Variants in IGF1R observed in about 807,000 individuals in gnomAD.
IGF1R encodes the protein insulin like growth factor 1 receptor.
Under a neutral mutation model 144.6 loss-of-function variants are expected in IGF1R, and 44 were observed. The observed-to-expected ratio is 0.30, with a 90% CI of 0.24 to 0.39. IGF1R has a LOEUF of 0.39. IGF1R is among the 10% of genes least tolerant of loss of function. IGF1R has a pLI of 1.00. For synonymous variants in IGF1R, 795 were observed against 722.8 expected, an observed-to-expected ratio of 1.10 and a Z score of -1.60; for missense variants, 1,355 against 1,833.7, an observed-to-expected ratio of 0.74 and a Z score of 4.77.
rs147339880 is a variant in IGF1R, at chr15:98,742,761, A to G, written c.640+34654A>G. On this transcript the variant is annotated intron_variant, in intron 2 of 20. Transcript: ENST00000650285. ...TTGCCTGCATCTAATTGCACTCACA[A>G]TGGGCCGGATGTGGTGGCTTACACC... Among the ~76,000 whole-genome samples the G allele has an allele frequency of 1.1e-4, 16 of 152,292 alleles. No homozygotes were observed. In the East Asian group the frequency reaches 1.7e-3, roughly 17 times the overall value.
chr15:98,814,969 A>G (rs555108267), intron 2 of IGF1R, among the ~76,000 whole-genome samples: 16 of 152,348 alleles, frequency 1.1e-4, no homozygotes, highest in African/African-American at 3.4e-4. Flanking sequence ...ATATTTTTTC[A>G]GAGTAGCAGT....
At chr15:98,910,273 G>A (rs1293615469) in intron 6 of IGF1R, among the ~76,000 whole-genome samples, 3 of 152,192 alleles carry the variant, frequency 2.0e-5, no homozygotes, top group Non-Finnish European at 2.9e-5. Context: ...GGATGTATCC[G>A]AGTATTTCAG....
intron 2 of IGF1R, among the ~76,000 whole-genome samples, chr15:98,789,853 A>G (rs562358513): frequency 5.0e-4 from 76 of 152,280 alleles, no homozygotes; most frequent in Non-Finnish European, 9.3e-4. Flanking sequence ...CATGGGAGGA[A>G]GAAGTCAGAG....
chr15:98,948,804 C>G (rs1304012998), intron 20 of IGF1R, 96 bp downstream of exon 20: 7 of 1,427,546 alleles, frequency 4.9e-6, no homozygotes, highest in Middle Eastern at 1.7e-4. Context: ...AAGCCATTCT[C>G]TCTGGTCCTG....
At chr15:98,928,477 G>A (rs146604639) in intron 13 of IGF1R, among the ~76,000 whole-genome samples, 8 of 152,294 alleles carry the variant, frequency 5.3e-5, no homozygotes, top group African/African-American at 9.6e-5. Flanking sequence ...GAAAGCTTTC[G>A]CTGACTCCTT....
chr15:98,847,750 C>T lies in IGF1R; in HGVS notation c.641-43575C>T, dbSNP rs78312784. Reference sequence around the variant, plus strand: ...ATGTTTATTCCCCCCTTTACTTTCCCAAAATTTGCTAAACATTTTCATTGC... The same window carrying T: ...ATGTTTATTCCCCCCTTTACTTTCCTAAAATTTGCTAAACATTTTCATTGC... On this transcript the variant is annotated intron_variant, in intron 2 of 20. Coordinates refer to ENST00000650285, the MANE Select transcript of IGF1R (RefSeq NM_000875.5). Among the ~76,000 whole-genome samples, 279 of 152,280 alleles carry T rather than the reference C, an allele frequency of 1.8e-3. 10 individuals carry two copies. The East Asian group carries it at 0.046, about 25-fold the overall frequency.
In IGF1R at chr15:98,962,682, C is replaced by T. The variant is rs559172824; in HGVS notation, c.*5240C>T. The T allele has an allele frequency of 2.6e-5, 6 of 233,784 alleles. No homozygotes were observed. The East Asian group carries it at 3.0e-4, about 12-fold the overall frequency. The allele number at this position is 233,784 out of a possible 1,614,324, so 14.5% of individuals were successfully genotyped here. ...GGGATCCTGGCACAGAGAAGAGTTACGAGCAGCAGGGTGCAGGGCTTGGAA... is the reference window on the plus strand; with the variant it reads ...GGGATCCTGGCACAGAGAAGAGTTATGAGCAGCAGGGTGCAGGGCTTGGAA... On this transcript the variant is annotated 3_prime_UTR_variant, in exon 21 of 21. Transcript: ENST00000650285.
chr15:98,712,641 C>A (rs1239818453), intron 2 of IGF1R, among the ~76,000 whole-genome samples: 1 of 149,482 alleles, frequency 6.7e-6, no homozygotes, highest in East Asian at 2.0e-4. Flanking sequence ...AAGAGTCTTA[C>A]TCTGTCACCC....
At chr15:98,700,543 T>C (rs1429911606) in intron 1 of IGF1R, among the ~76,000 whole-genome samples, 2 of 152,206 alleles carry the variant, frequency 1.3e-5, no homozygotes, top group Non-Finnish European at 2.9e-5. Flanking sequence ...TCTTGCGTTT[T>C]AACAGTTCCT....
chr15:98,901,117 T>A (rs888229856), intron 5 of IGF1R, among the ~76,000 whole-genome samples: 2 of 152,264 alleles, frequency 1.3e-5, no homozygotes, highest in Non-Finnish European at 1.5e-5. Flanking sequence ...TTTCTCATTA[T>A]CTGAAACTTG....
rs2017331520 is a variant in IGF1R at position 98,964,084 on chromosome 15, G to A, written c.*6642G>A. On this transcript the variant is annotated 3_prime_UTR_variant, in exon 21 of 21. Coordinates refer to ENST00000650285, the MANE Select transcript of IGF1R (RefSeq NM_000875.5). ...TTCTAAGCCAGTGAGGTTGAGGTGA[G>A]AGGTTTGCCAGAGTTTGTCTACCTC... The A allele has an allele frequency of 4.3e-6, 1 of 233,226 alleles. No homozygotes were observed. Among genetic ancestry groups the A allele is most frequent in the Non-Finnish European group, 8.5e-6 (1 of 117,852 alleles). The allele number at this position is 233,226 out of a possible 1,614,324, so 14.4% of individuals were successfully genotyped here. A position where few individuals can be genotyped will look rare whatever the true frequency, so the allele number is the denominator to read the frequency against.
intron 1 of IGF1R, among the ~76,000 whole-genome samples, chr15:98,654,864 G>A (rs532488750): frequency 1.3e-5 from 2 of 152,316 alleles, no homozygotes; most frequent in South Asian, 4.1e-4. Flanking sequence ...ACAACAAAGT[G>A]CCTAATGAGT....
intron 2 of IGF1R, among the ~76,000 whole-genome samples, chr15:98,755,319 CCAT>C (rs45530433): frequency 5.9e-5 from 9 of 151,834 alleles, no homozygotes; most frequent in East Asian, 1.9e-4. Flanking sequence ...TTTAGTCGAG[CCAT>C]CATCTGTTGA....
At position 98,960,392 on chromosome 15, in the gene IGF1R, C is replaced by G. The variant is rs1445162815; in HGVS notation, c.*2950C>G. On this transcript the variant is annotated 3_prime_UTR_variant, in exon 21 of 21. Coordinates refer to ENST00000650285, the MANE Select transcript of IGF1R (RefSeq NM_000875.5). ...TGAGGCCAACGAGGGCACCAGAGCACACCTGGGGGAGCCACCAGGCTGTCC... is the reference window on the plus strand; with the variant it reads ...TGAGGCCAACGAGGGCACCAGAGCAGACCTGGGGGAGCCACCAGGCTGTCC... 4.3e-6 allele frequency: 1 copy of G among 233,242 alleles called. No individual in the cohort carries two copies. The highest frequency in any genetic ancestry group is 2.2e-5 in the African/African-American group (1 of 45,372). The allele number at this position is 233,242 out of a possible 1,614,324, so 14.4% of individuals were successfully genotyped here.
In IGF1R at chr15:98,648,740, C is replaced by T. The variant is rs2052254044; in HGVS notation, c.-842C>T. 6.8e-6 allele frequency among the ~76,000 whole-genome samples: 1 copy of T among 147,300 alleles called. No homozygotes were observed. Among genetic ancestry groups the T allele is most frequent in the South Asian group, 2.1e-4 (1 of 4,810 alleles). ...CGCTCGCAGACCCTCGGCCCCGCTC[C>T]CCGGATCCCCCCGCGCCCTCCACGC... On this transcript the variant is annotated 5_prime_UTR_variant, in exon 1 of 21. Transcript: ENST00000650285.
At chr15:98,823,627 T>C (rs918380673) in intron 2 of IGF1R, among the ~76,000 whole-genome samples, 1 of 152,226 alleles carries the variant, frequency 6.6e-6, no homozygotes, top group African/African-American at 2.4e-5. Context: ...CCAGTTGAAG[T>C]TGTGAGCTGC....
chr15:98,867,998 C>T (rs1244920394), intron 2 of IGF1R, among the ~76,000 whole-genome samples: 1 of 152,054 alleles, frequency 6.6e-6, no homozygotes, highest in African/African-American at 2.4e-5. Context: ...GTCGGGAGTT[C>T]GAGACTAGCC....
chr15:98,781,984 AC>A (rs1340241609), intron 2 of IGF1R, among the ~76,000 whole-genome samples: 1 of 152,096 alleles, frequency 6.6e-6, no homozygotes, highest in Non-Finnish European at 1.5e-5. Flanking sequence ...AAGGCTGATT[AC>A]TTATTTCCCT....
intron 2 of IGF1R, among the ~76,000 whole-genome samples, chr15:98,747,827 G>A (rs1449979128): frequency 6.6e-6 from 1 of 152,148 alleles, no homozygotes; most frequent in African/African-American, 2.4e-5. Flanking sequence ...ATAATGTACT[G>A]AGTATCACTA....
Sources: gnomAD v4.1 joint callset for allele counts (sites outside exome capture counted in the v4.1 genomes callset) on GRCh38, gnomAD v4.1.1 for gene constraint, MANE v1.5 for transcripts, NCBI Gene and HGNC (gene_info 2026-07-23, HGNC 2026-07-21) for gene names.